ATP10B: variants seen among roughly 807,000 people sequenced by gnomAD.
ATP10B encodes phospholipid-transporting ATPase VB.
Under a neutral mutation model 141.2 loss-of-function variants are expected in ATP10B, and 122 were observed. The observed-to-expected ratio is 0.86, with a 90% confidence interval of 0.75 to 1.00. The LOEUF (loss-of-function observed/expected upper bound fraction) is 1.00, where lower values mean the gene tolerates loss of function less well. Ranked by LOEUF, ATP10B falls within the 50% of genes least tolerant of loss-of-function variation. The pLI is 0.00. For missense variants in ATP10B, 1,876 were observed against 1,825.3 expected, an observed-to-expected ratio of 1.03 and a Z score of -0.51; for synonymous variants, 685 against 692.0, an observed-to-expected ratio of 0.99 and a Z score of 0.16.
intron 1 of ATP10B, among the ~76,000 whole-genome samples, chr5:160,821,620 A>G (rs937494250): frequency 2.6e-5 from 4 of 152,064 alleles, no homozygotes; most frequent in Admixed American, 1.3e-4. Flanking sequence ...CTACTAAGCT[A>G]TAGTAACCAA....
chr5:160,900,466 T>C, the ATP10B span, among the ~76,000 whole-genome samples: 3 of 152,180 alleles, frequency 2.0e-5, no homozygotes, highest in East Asian at 5.8e-4. Context: ...AATGCAGAGA[T>C]AGGATTGAAC....
chr5:160,606,029 G>A (rs1460579738), intron 19 of ATP10B, among the ~76,000 whole-genome samples: 3 of 152,158 alleles, frequency 2.0e-5, no homozygotes, highest in African/African-American at 7.2e-5. Context: ...CAAGGCCCAT[G>A]GAGAATGGTA....
At chr5:160,686,696 A>C (rs1454765980) in intron 5 of ATP10B, among the ~76,000 whole-genome samples, 1 of 152,002 alleles carries the variant, frequency 6.6e-6, no homozygotes, top group African/African-American at 2.4e-5. Context: ...TGTTCCTGTT[A>C]TTTACTCGTT....
At chr5:160,916,586 T>C in the ATP10B span, among the ~76,000 whole-genome samples, 9 of 152,206 alleles carry the variant, frequency 5.9e-5, no homozygotes, top group Non-Finnish European at 8.8e-5. Context: ...ACTCCTTTAA[T>C]TCTCATGACT....
intron 18 of ATP10B, among the ~76,000 whole-genome samples, chr5:160,607,843 C>T (rs932062267): frequency 6.6e-6 from 1 of 152,100 alleles, no homozygotes; most frequent in African/African-American, 2.4e-5. Context: ...CAAAAGTAGT[C>T]ATATTTTGAT....
At chr5:160,604,597 T>A (rs2127629060) in intron 19 of ATP10B, among the ~76,000 whole-genome samples, 1 of 152,302 alleles carries the variant, frequency 6.6e-6, no homozygotes, top group African/African-American at 2.4e-5. Context: ...TTGTTTTGTT[T>A]CTCAGTGTAG....
intron 14 of ATP10B, 21 bp downstream of exon 14, chr5:160,622,373 C>T: frequency 6.3e-7 from 1 of 1,596,580 alleles, no homozygotes. Context: ...CCCTCCTCCC[C>T]CAGCCATCGC....
rs553099876 is a variant in ATP10B, at chr5:160,818,511, A to G, written c.-575-32708T>C. Among the ~76,000 whole-genome samples, 22 of 152,242 alleles carry G rather than the reference A, an allele frequency of 1.4e-4. No homozygotes were observed. The South Asian group carries it at 2.9e-3, about 20-fold the overall frequency. On this transcript the variant is annotated intron_variant, in intron 1 of 25. Transcript: ENST00000327245. Reference sequence around the variant, plus strand: ...AAGTCAGGAAACAACAGGTGCTGGAAAGGATGTGGAGAAATAGGAACATTT... The same window carrying G: ...AAGTCAGGAAACAACAGGTGCTGGAGAGGATGTGGAGAAATAGGAACATTT...
At chr5:160,827,683 T>A (rs1774736410) in intron 1 of ATP10B, among the ~76,000 whole-genome samples, 1 of 152,174 alleles carries the variant, frequency 6.6e-6, no homozygotes, top group Non-Finnish European at 1.5e-5. Context: ...TTCCTAGGTT[T>A]TCTTCTAGGA....
At chr5:160,873,773 A>G in the ATP10B span, among the ~76,000 whole-genome samples, 4 of 152,246 alleles carry the variant, frequency 2.6e-5, no homozygotes, top group Admixed American at 6.5e-5. Flanking sequence ...AAGGGGTGAC[A>G]GACGGCACCA....
At chr5:160,678,902 G>C (rs190697772) in intron 6 of ATP10B, among the ~76,000 whole-genome samples, 153 of 152,202 alleles carry the variant, frequency 1.0e-3, no homozygotes, top group Non-Finnish European at 7.4e-5. Flanking sequence ...CATCCAGTAA[G>C]GTCATTGCTT....
At chr5:160,722,300 C>T (rs1054075993) in intron 2 of ATP10B, among the ~76,000 whole-genome samples, 1 of 152,214 alleles carries the variant, frequency 6.6e-6, no homozygotes, top group Non-Finnish European at 1.5e-5. Context: ...AAATTAAAGA[C>T]GAAATAATGA....
At chr5:160,621,404 C>A (rs1481462067) in intron 14 of ATP10B, among the ~76,000 whole-genome samples, 1 of 152,152 alleles carries the variant, frequency 6.6e-6, no homozygotes, top group African/African-American at 2.4e-5. Context: ...AGAGGCTGGG[C>A]TCTTGAGCTA....
chr5:160,700,081 T>C (rs1179208601), intron 3 of ATP10B, among the ~76,000 whole-genome samples: 1 of 151,494 alleles, frequency 6.6e-6, no homozygotes, highest in African/African-American at 2.4e-5. Context: ...CAGGAAAGAG[T>C]GGAGAATGAG....
intron 25 of ATP10B, among the ~76,000 whole-genome samples, chr5:160,568,975 C>T (rs576709493): frequency 1.3e-5 from 2 of 152,136 alleles, no homozygotes; most frequent in Non-Finnish European, 2.9e-5. Flanking sequence ...TAAACACTGG[C>T]AATTTCATGC....
chr5:160,648,158 G>A (rs1299542871), intron 8 of ATP10B, among the ~76,000 whole-genome samples: 3 of 152,116 alleles, frequency 2.0e-5, no homozygotes, highest in Non-Finnish European at 4.4e-5. Flanking sequence ...CACGATATTC[G>A]CTTTCTGGGG....
At chr5:160,834,518 G>A (rs1187658558) in intron 1 of ATP10B, among the ~76,000 whole-genome samples, 2 of 152,042 alleles carry the variant, frequency 1.3e-5, no homozygotes, top group Non-Finnish European at 2.9e-5. Flanking sequence ...CTGTACAAAA[G>A]GATGTGCCTT....
chr5:160,753,873 G>A (rs1413928129), intron 2 of ATP10B, among the ~76,000 whole-genome samples: 5 of 152,170 alleles, frequency 3.3e-5, no homozygotes, highest in Non-Finnish European at 5.9e-5. Flanking sequence ...CAGTGATGAG[G>A]TCAAGACTGA....
chr5:160,643,805 G>T (rs888541685), intron 9 of ATP10B, among the ~76,000 whole-genome samples: 6 of 152,198 alleles, frequency 3.9e-5, no homozygotes, highest in African/African-American at 1.4e-4. Flanking sequence ...AGGGGAAGTT[G>T]TTAAGTTTGG....
Sources: gnomAD v4.1 joint callset for allele counts (sites outside exome capture counted in the v4.1 genomes callset) on GRCh38, gnomAD v4.1.1 for gene constraint, MANE v1.5 for transcripts, NCBI Gene and HGNC (gene_info 2026-07-23, HGNC 2026-07-21) for gene names.